The following HAPLN3 variants were observed in gnomAD, a reference collection of about 807,000 sequenced individuals.
HAPLN3 encodes the protein hyaluronan and proteoglycan link protein 3.
A neutral mutation model predicts 28.1 loss-of-function variants in HAPLN3; 28 were observed. The observed-to-expected ratio is 1.00, with a 90% CI of 0.74 to 1.37. HAPLN3 has a LOEUF of 1.37. HAPLN3 is among the 40% of genes most tolerant of loss of function. The pLI is 0.00. For missense variants in HAPLN3, 513 were observed against 504.6 expected (o/e 1.02, Z -0.16); for synonymous variants, 211 against 213.1 (o/e 0.99, Z 0.09).
rs1314914546 is a variant in HAPLN3, at chr15:88,877,979, G to T, written c.1074C>A (p.Arg358=). Residue 358 remains arginine, a synonymous_variant, in exon 5 of 5, where the codon CGC becomes CGA. Coordinates refer to ENST00000359595, the MANE Select transcript of HAPLN3 (RefSeq NM_178232.4). The surrounding 1 kb of genome is among the most constrained non-coding windows in gnomAD (Gnocchi z 5.1). The part of the protein sequence containing the change: ...QSRLYGVYCY[R]QH The stretch of plus-strand genomic sequence containing the variant: ...GGGAGGGCCCCAGGTCCTAGTGCTG[G>T]CGGTAGCAGTAAACACCGTACAAGC... 1 of 1,601,916 alleles carries T rather than the reference G, an allele frequency of 6.2e-7. No homozygotes were observed. Among genetic ancestry groups the T allele is most frequent in the Non-Finnish European group, 8.5e-7 (1 of 1,172,784 alleles).
Position 88,881,547 on chromosome 15 carries a change from C to T in HAPLN3, c.303G>A (p.Val101=). ...LSENGAPEKD[V]LVAIGLRHRS... ...GGTGCCTCAGCCCGATGGCCACCAGCACGTCCTTCTCTGGGGCCCCGTTCT... is the reference window on the plus strand; with the variant it reads ...GGTGCCTCAGCCCGATGGCCACCAGTACGTCCTTCTCTGGGGCCCCGTTCT... The change falls in exon 3 of 5, where the codon GTG becomes GTA. Residue 101 remains valine, a synonymous_variant. Transcript: ENST00000359595. This position sits in a 1 kb window ranked among gnomAD's most constrained non-coding sequence, Gnocchi z 6.0. 1.9e-6 allele frequency: 3 copies of T among 1,614,132 alleles called. No individual in the cohort carries two copies. The highest frequency in any genetic ancestry group is 2.5e-6 in the Non-Finnish European group (3 of 1,180,042).
At position 88,879,538 on chromosome 15, in the gene HAPLN3, A is replaced by C; in HGVS notation, c.494-269T>G. ...TGTCCCCAACAATGTCCCCAACCTA[A>C]TCCGCAAGGCTGTCGCCAGACCCCC... On this transcript the variant is annotated intron_variant, in intron 3 of 4. Coordinates refer to ENST00000359595, the MANE Select transcript of HAPLN3 (RefSeq NM_178232.4). This position sits in a 1 kb window ranked among gnomAD's most constrained non-coding sequence, Gnocchi z 5.0. 4.0e-5 allele frequency: 57 copies of C among 1,422,670 alleles called. No homozygotes were observed. Among genetic ancestry groups the C allele is most frequent in the East Asian group, 2.3e-4 (7 of 30,702 alleles). The allele number at this position is 1,422,670 out of a possible 1,614,324, so 88.1% of individuals were successfully genotyped here. A position where few individuals can be genotyped will look rare whatever the true frequency, so the allele number is the denominator to read the frequency against.
chr15:88,890,388 C>G lies in HAPLN3; in HGVS notation c.-47-3043G>C, dbSNP rs551247699. Reference sequence around the variant, plus strand: ...GGAGGCCTAAGCACAATGGGGCAACCTGGTACAGAGTTTGGGAACTGGAAG... The same window carrying G: ...GGAGGCCTAAGCACAATGGGGCAACGTGGTACAGAGTTTGGGAACTGGAAG... On this transcript the variant is annotated intron_variant, in intron 1 of 4. Transcript: ENST00000359595. 2.0e-5 allele frequency among the ~76,000 whole-genome samples: 3 copies of G among 152,318 alleles called. No homozygotes were observed. In the South Asian group the frequency reaches 6.2e-4, roughly 32 times the overall value.
chr15:88,882,100 G>C (rs28396823), intron 2 of HAPLN3, among the ~76,000 whole-genome samples: 22,623 of 152,090 alleles, frequency 0.15, 1,913 homozygotes, highest in Non-Finnish European at 0.18. Flanking sequence ...GCCTGCTAGA[G>C]GATGAGAGAA....
chr15:88,879,680 T>A lies in HAPLN3; in HGVS notation c.494-411A>T. The A allele has an allele frequency of 5.1e-6, 6 of 1,181,906 alleles. No individual in the cohort carries two copies. Among genetic ancestry groups the A allele is most frequent in the Non-Finnish European group, 6.4e-6 (6 of 939,334 alleles). The allele number at this position is 1,181,906 out of a possible 1,614,324, so 73.2% of individuals were successfully genotyped here. On this transcript the variant is annotated intron_variant, in intron 3 of 4. Coordinates refer to ENST00000359595, the MANE Select transcript of HAPLN3 (RefSeq NM_178232.4). The surrounding 1 kb of genome is among the most constrained non-coding windows in gnomAD (Gnocchi z 5.0). ...CCGATCGTCTACGTTATTATGAATGTGGAAATTTCCTAGGAAAATGCAAGG... is the reference window on the plus strand; with the variant it reads ...CCGATCGTCTACGTTATTATGAATGAGGAAATTTCCTAGGAAAATGCAAGG...
chr15:88,885,034 C>G (rs979912961), intron 2 of HAPLN3, among the ~76,000 whole-genome samples: 11 of 152,364 alleles, frequency 7.2e-5, no homozygotes, highest in African/African-American at 2.6e-4. Flanking sequence ...TCTGTTGTTT[C>G]AAGCCACCAA....
Position 88,877,720 on chromosome 15 carries a change from A to G in HAPLN3, c.*250T>C. On this transcript the variant is annotated 3_prime_UTR_variant, in exon 5 of 5. Transcript: ENST00000359595. The surrounding 1 kb of genome is among the most constrained non-coding windows in gnomAD (Gnocchi z 5.1). ...AGGGAGACCAGCCTGGATGGCGGGG[A>G]ACCCTCCAGAAGCCCACAAAACCGC... 2.1e-6 allele frequency: 1 copy of G among 470,470 alleles called. No homozygotes were observed. The highest frequency in any genetic ancestry group is 3.8e-5 in the East Asian group (1 of 26,574). 29.1% of individuals were successfully genotyped at this position (470,470 alleles called of 1,614,324 possible).
intron 1 of HAPLN3, among the ~76,000 whole-genome samples, chr15:88,893,655 C>T (rs1898074393): frequency 6.6e-6 from 1 of 151,962 alleles, no homozygotes; most frequent in African/African-American, 2.4e-5. Flanking sequence ...AAGCCAGGCA[C>T]AGTGCCTCAT....
chr15:88,887,402 C>G (rs1380081146), intron 1 of HAPLN3, 57 bp from the exon 2 acceptor site: 2 of 1,458,818 alleles, frequency 1.4e-6, no homozygotes, highest in African/African-American at 1.4e-5. Flanking sequence ...GGGCCCACAT[C>G]CCCTCTGCTC....
chr15:88,884,530 C>T (rs1021902277), intron 2 of HAPLN3, among the ~76,000 whole-genome samples: 10 of 152,022 alleles, frequency 6.6e-5, no homozygotes, highest in Non-Finnish European at 1.2e-4. Flanking sequence ...CGCCACTGCA[C>T]TCCAGCCCAG....
At position 88,895,300 on chromosome 15, in the gene HAPLN3, C is replaced by T. The variant is rs906060158; in HGVS notation, c.-48+159G>A. ...GCGCCCCTCGCCCGCGATCACAGCC[C>T]ATCTCAGCCCGGGCCTCCGCAGTGC... is the stretch of plus-strand genomic sequence containing the variant. On this transcript the variant is annotated intron_variant, in intron 1 of 4. Transcript: ENST00000359595. The surrounding 1 kb of genome is among the most constrained non-coding windows in gnomAD (Gnocchi z 5.5). Among the ~76,000 whole-genome samples, 1 of 152,218 alleles carries T rather than the reference C, an allele frequency of 6.6e-6. No homozygotes were observed. Among genetic ancestry groups the T allele is most frequent in the Non-Finnish European group, 1.5e-5 (1 of 68,036 alleles).
rs532205518 is a variant in HAPLN3, at chr15:88,879,358, G to A, written c.494-89C>T. On this transcript the variant is annotated intron_variant, in intron 3 of 4. Transcript: ENST00000359595. The surrounding 1 kb of genome is among the most constrained non-coding windows in gnomAD (Gnocchi z 5.0). ...TCTCCTCCCACCTTCACTGGGACAT[G>A]TGCTGCCTGCAACACACACACATAC... 4.5e-5 allele frequency: 72 copies of A among 1,583,158 alleles called. No individual in the cohort carries two copies. In the African/African-American group the frequency reaches 7.8e-4, roughly 17 times the overall value.
chr15:88,888,506 A>T lies in HAPLN3; in HGVS notation c.-47-1161T>A, dbSNP rs78993158. Among the ~76,000 whole-genome samples the T allele has an allele frequency of 0.015, 2,343 of 151,982 alleles. 76 individuals carry two copies. Among genetic ancestry groups the T allele is most frequent in the African/African-American group, 0.053 (2,212 of 41,402 alleles). On this transcript the variant is annotated intron_variant, in intron 1 of 4. Transcript: ENST00000359595. This position sits in a 1 kb window ranked among gnomAD's most constrained non-coding sequence, Gnocchi z 4.1. ...TAGTTTGATGATTTGATTTTTTTTT[A>T]AATATTGTATTCAAATATTTTGTCT...
At chr15:88,885,458 GT>G (rs761060139) in intron 2 of HAPLN3, among the ~76,000 whole-genome samples, 45,664 of 114,586 alleles carry the variant, frequency 0.4, 7,660 homozygotes, top group Middle Eastern at 0.5. Flanking sequence ...TGTTTTTTGT[GT>G]TTTTTTTTTT....
rs775852430 is a variant in HAPLN3, at chr15:88,887,232, C to T, written c.67G>A (p.Gly23Ser). The part of the protein sequence containing the change: ...PGSYGLPFYN[G>S]FYYSNSANDQ... ...TTGGCGCTGTTGGAGTAGTAGAAGC[C>T]GTTGTAGAAGGGCAGTCCGTAGGAG... The change falls in exon 2 of 5, where the codon GGC (glycine) becomes AGC (serine). Residue 23 changes from glycine (G) to serine (S), a missense_variant. Coordinates refer to ENST00000359595, the MANE Select transcript of HAPLN3 (RefSeq NM_178232.4). 1.5e-5 allele frequency: 25 copies of T among 1,613,992 alleles called. No individual in the cohort carries two copies. The South Asian group carries it at 2.3e-4, about 15-fold the overall frequency.
rs79488614 is a variant in HAPLN3 at position 88,877,803 on chromosome 15, G to A, written c.*167C>T. On this transcript the variant is annotated 3_prime_UTR_variant, in exon 5 of 5. Coordinates refer to ENST00000359595, the MANE Select transcript of HAPLN3 (RefSeq NM_178232.4). This position sits in a 1 kb window ranked among gnomAD's most constrained non-coding sequence, Gnocchi z 5.1. ...AGTGGGGCATCCAGGAGCAAAGGGAGGCATTGGGTTCTGTTTGCTTTACAA... is the reference window on the plus strand; with the variant it reads ...AGTGGGGCATCCAGGAGCAAAGGGAAGCATTGGGTTCTGTTTGCTTTACAA... 169 of 664,850 alleles carry A rather than the reference G, an allele frequency of 2.5e-4. No individual in the cohort carries two copies. In the African/African-American group the frequency reaches 2.8e-3, roughly 11 times the overall value. The allele number at this position is 664,850 out of a possible 1,614,324, so 41.2% of individuals were successfully genotyped here.
chr15:88,887,083 T>G lies in HAPLN3; in HGVS notation c.124+92A>C, dbSNP rs1334899413. 2.8e-6 allele frequency: 4 copies of G among 1,405,366 alleles called. No homozygotes were observed. The East Asian group carries it at 6.8e-5, about 24-fold the overall frequency. The allele number at this position is 1,405,366 out of a possible 1,614,324, so 87.1% of individuals were successfully genotyped here. ...CCTGCTGGAACAGGGCTGCTGTCCC[T>G]GTCCCAGCCTGGAACCCTCAGATCA... is the stretch of plus-strand genomic sequence containing the variant. On this transcript the variant is annotated intron_variant, in intron 2 of 4. Coordinates refer to ENST00000359595, the MANE Select transcript of HAPLN3 (RefSeq NM_178232.4).
intron 2 of HAPLN3, among the ~76,000 whole-genome samples, chr15:88,886,413 G>A (rs987995130): frequency 6.6e-6 from 1 of 151,666 alleles, no homozygotes; most frequent in Non-Finnish European, 1.5e-5. Context: ...GTGATTACAG[G>A]AGACGACATA....
chr15:88,881,428 T>C lies in HAPLN3; in HGVS notation c.422A>G (p.Tyr141Cys), dbSNP rs1250257148. 7 of 1,613,880 alleles carry C rather than the reference T, an allele frequency of 4.3e-6. No homozygotes were observed. Among genetic ancestry groups the C allele is most frequent in the Admixed American group, 1.7e-5 (1 of 60,000 alleles). The change falls in exon 3 of 5, where the codon TAT (tyrosine) becomes TGT (cysteine). Residue 141 changes from tyrosine to cysteine, a missense_variant. Coordinates refer to ENST00000359595, the MANE Select transcript of HAPLN3 (RefSeq NM_178232.4). This position sits in a 1 kb window ranked among gnomAD's most constrained non-coding sequence, Gnocchi z 6.0. ...AATGACCTCACAGCGGTAACGCCCA[T>C]AGTCCTCCAGCCGCAGATCCTGGAT... ...LEIQDLRLED[Y>C]GRYRCEVIDG...
Sources: gnomAD v4.1 joint callset for allele counts (sites outside exome capture counted in the v4.1 genomes callset) on GRCh38, gnomAD v4.1.1 for gene constraint, Gnocchi (gnomAD v3.1) non-coding constraint, MANE v1.5 for transcripts, NCBI Gene and HGNC (gene_info 2026-07-23, HGNC 2026-07-21) for gene names.